The following DEPTOR variants were observed in gnomAD, a reference collection of about 807,000 sequenced individuals.
The protein encoded by DEPTOR is DEP domain containing MTOR interacting protein.
In DEPTOR, 41 loss-of-function variants were observed where a neutral mutation model predicts 41.6. That is an observed-to-expected ratio of 0.98 (90% CI 0.77 to 1.28). DEPTOR has a LOEUF of 1.28. DEPTOR is among the 50% of genes most tolerant of loss of function. The pLI is 0.00. For missense variants in DEPTOR, 514 were observed against 527.9 expected (o/e 0.97, Z 0.26); for synonymous variants, 195 against 192.3 (o/e 1.01, Z -0.12).
chr8:119,934,767 C>G (rs529908439), intron 3 of DEPTOR, among the ~76,000 whole-genome samples: 362 of 152,278 alleles, frequency 2.4e-3, no homozygotes, highest in Non-Finnish European at 3.9e-3. Context: ...AGATAACAGC[C>G]CAGGAGCCCA....
chr8:119,993,594 G>A (rs991300541), intron 4 of DEPTOR, among the ~76,000 whole-genome samples: 19 of 152,088 alleles, frequency 1.2e-4, no homozygotes, highest in African/African-American at 4.6e-4. Flanking sequence ...TAGTTCCAAG[G>A]AGCAAAAAAT....
intron 6 of DEPTOR, among the ~76,000 whole-genome samples, chr8:120,003,589 A>C (rs1462916534): frequency 6.6e-6 from 1 of 151,750 alleles, no homozygotes; most frequent in Non-Finnish European, 1.5e-5. Flanking sequence ...TGCTCACAGC[A>C]GGGGAAACAG....
chr8:119,902,255 A>T (rs1310665582), intron 1 of DEPTOR, among the ~76,000 whole-genome samples: 1 of 152,254 alleles, frequency 6.6e-6, no homozygotes, highest in Non-Finnish European at 1.5e-5. Flanking sequence ...GCTAAGTGGC[A>T]AAATAAATGG....
intron 1 of DEPTOR, among the ~76,000 whole-genome samples, chr8:119,893,814 A>G (rs1300603531): frequency 6.6e-6 from 1 of 151,946 alleles, no homozygotes; most frequent in Non-Finnish European, 1.5e-5. Flanking sequence ...TGAGATTCAG[A>G]ACACTACTCT....
At chr8:119,897,315 A>G (rs1827532841) in intron 1 of DEPTOR, among the ~76,000 whole-genome samples, 1 of 152,164 alleles carries the variant, frequency 6.6e-6, no homozygotes, top group African/African-American at 2.4e-5. Flanking sequence ...TGGGCAGATC[A>G]CGAAGTCAGG....
At chr8:119,932,649 C>T (rs1010802673) in intron 3 of DEPTOR, among the ~76,000 whole-genome samples, 4 of 152,184 alleles carry the variant, frequency 2.6e-5, no homozygotes, top group Non-Finnish European at 5.9e-5. Context: ...AGCAAAGCCC[C>T]TGCCTTCATG....
intron 4 of DEPTOR, among the ~76,000 whole-genome samples, chr8:119,981,325 G>A (rs144911448): frequency 5.8e-4 from 88 of 152,188 alleles, no homozygotes; most frequent in African/African-American, 1.7e-3. Context: ...TTTCCACTCC[G>A]TTTTTACTTT....
intron 1 of DEPTOR, among the ~76,000 whole-genome samples, chr8:119,908,040 G>C (rs1827688224): frequency 6.6e-6 from 1 of 152,114 alleles, no homozygotes; most frequent in African/African-American, 2.4e-5. Context: ...CAAGTGATTA[G>C]AGGATGAGAG....
rs369182969 is a variant in DEPTOR, at chr8:119,914,077, GCT to G, written c.123-14320_123-14319del. On this transcript the variant is annotated intron_variant, in intron 1 of 8. Coordinates refer to ENST00000286234, the MANE Select transcript of DEPTOR (RefSeq NM_022783.4). ...TTTGTTCTTTTTTTTGAGAAGTCTT[GCT>G]CTGTCACCCAGGCTGGAGTGCAGTG... 1.9e-3 allele frequency among the ~76,000 whole-genome samples: 265 copies of G among 138,490 alleles called. 2 individuals are homozygous for G. The highest frequency in any genetic ancestry group is 7.0e-3 in the African/African-American group (259 of 36,928). The allele number at this position is 138,490 out of a possible 152,430, so 90.9% of individuals were successfully genotyped here. A position where few individuals can be genotyped will look rare whatever the true frequency, so the allele number is the denominator to read the frequency against.
chr8:120,042,152 C>T (rs180712321), intron 8 of DEPTOR, among the ~76,000 whole-genome samples: 342 of 151,652 alleles, frequency 2.3e-3, no homozygotes, highest in Non-Finnish European at 3.8e-3. Context: ...CAGTGGGTGG[C>T]ATCTAAGTCA....
At chr8:119,979,259 G>T (rs1245639697) in intron 4 of DEPTOR, among the ~76,000 whole-genome samples, 1 of 151,906 alleles carries the variant, frequency 6.6e-6, no homozygotes, top group East Asian at 1.9e-4. Flanking sequence ...CATTTTAAAG[G>T]CTAGAACTTT....
Position 119,916,019 on chromosome 8 carries a change from T to C in DEPTOR, c.123-12381T>C, listed in dbSNP as rs187385676. 2.2e-4 allele frequency among the ~76,000 whole-genome samples: 33 copies of C among 149,676 alleles called. No individual in the cohort carries two copies. The East Asian group carries it at 6.7e-3, about 30-fold the overall frequency. On this transcript the variant is annotated intron_variant, in intron 1 of 8. Coordinates refer to ENST00000286234, the MANE Select transcript of DEPTOR (RefSeq NM_022783.4). Reference sequence around the variant, plus strand: ...GATGGCACTTCTGGCAAAATCTGACTCTCATTTAATCCTCTCAATAACCCT... The same window carrying C: ...GATGGCACTTCTGGCAAAATCTGACCCTCATTTAATCCTCTCAATAACCCT...
intron 3 of DEPTOR, among the ~76,000 whole-genome samples, chr8:119,949,602 C>G (rs755845081): frequency 6.6e-6 from 1 of 152,086 alleles, no homozygotes; most frequent in Non-Finnish European, 1.5e-5. Flanking sequence ...TTTGCAGTTC[C>G]CTGATGCAAA....
At chr8:119,876,419 C>G (rs1827231846) in intron 1 of DEPTOR, among the ~76,000 whole-genome samples, 1 of 152,108 alleles carries the variant, frequency 6.6e-6, no homozygotes, top group Admixed American at 6.5e-5. Flanking sequence ...AGGCGGATCC[C>G]TTGAGGTCTG....
chr8:120,015,689 C>T (rs889430645), intron 8 of DEPTOR, among the ~76,000 whole-genome samples: 7 of 152,106 alleles, frequency 4.6e-5, no homozygotes, highest in African/African-American at 7.2e-5. Context: ...GATGCTCACC[C>T]GTACAGAGAC....
chr8:119,995,456 G>A (rs1416358706), intron 4 of DEPTOR, among the ~76,000 whole-genome samples: 1 of 151,838 alleles, frequency 6.6e-6, no homozygotes, highest in Non-Finnish European at 1.5e-5. Context: ...CCTGGTGGTA[G>A]GTGCCTATAA....
intron 1 of DEPTOR, among the ~76,000 whole-genome samples, chr8:119,921,747 A>ATT (rs1827896534): frequency 7.6e-6 from 1 of 132,442 alleles, no homozygotes; most frequent in Non-Finnish European, 1.6e-5. Flanking sequence ...TCTATTCTGT[A>ATT]GTTTTTTTTT....
intron 1 of DEPTOR, among the ~76,000 whole-genome samples, chr8:119,910,521 C>T (rs949257959): frequency 4.6e-5 from 7 of 151,478 alleles, no homozygotes; most frequent in African/African-American, 1.5e-4. Context: ...GGCACGATCT[C>T]GGCTCACTAC....
At chr8:120,037,440 G>A (rs949286789) in intron 8 of DEPTOR, among the ~76,000 whole-genome samples, 51 of 152,292 alleles carry the variant, frequency 3.3e-4, no homozygotes, top group African/African-American at 1.1e-3. Flanking sequence ...CTAGGAATGT[G>A]AGTGGAATTG....
Sources: gnomAD v4.1 joint callset for allele counts (sites outside exome capture counted in the v4.1 genomes callset) on GRCh38, gnomAD v4.1.1 for gene constraint, MANE v1.5 for transcripts, NCBI Gene and HGNC (gene_info 2026-07-23, HGNC 2026-07-21) for gene names.